Variants in SPARCL1 observed in about 807,000 individuals in gnomAD.
The protein encoded by SPARCL1 is SPARC like 1, also known as SPARC-like protein 1.
SPARCL1 carries 52 observed loss-of-function variants against 67.1 expected under a neutral mutation model. The ratio of observed to expected loss-of-function variants is 0.78; its 90% CI spans 0.62 to 0.98. The LOEUF (loss-of-function observed/expected upper bound fraction) is 0.98, where lower values mean the gene tolerates loss of function less well. Ranked by LOEUF, SPARCL1 falls within the 50% of genes least tolerant of loss-of-function variation. The pLI is 0.00. For missense variants in SPARCL1, 717 were observed against 782.4 expected, an observed-to-expected ratio of 0.92 and a Z score of 1.00; for synonymous variants, 226 against 267.8, an observed-to-expected ratio of 0.84 and a Z score of 1.52.
intron 10 of SPARCL1, among the ~76,000 whole-genome samples, chr4:87,478,958 A>G (rs4610302): frequency 0.69 from 105,223 of 152,090 alleles, 37,516 homozygotes; most frequent in African/African-American, 0.85. Context: ...GGATTATCCC[A>G]GCACTAATTG....
At chr4:87,482,729 G>A (rs1477161025) in intron 7 of SPARCL1, among the ~76,000 whole-genome samples, 169 bp from the exon 8 acceptor site, 1 of 152,062 alleles carries the variant, frequency 6.6e-6, no homozygotes, top group Non-Finnish European at 1.5e-5. Flanking sequence ...AATTGCCTGG[G>A]GTTTTAAAAA....
Position 87,473,691 on chromosome 4 carries a change from C to G in SPARCL1, c.*84G>C, listed in dbSNP as rs1723440364. 1.0e-6 allele frequency: 1 copy of G among 963,382 alleles called. No homozygotes were observed. The highest frequency in any genetic ancestry group is 1.7e-5 in the African/African-American group (1 of 59,748). 59.7% of individuals were successfully genotyped at this position (963,382 alleles called of 1,614,324 possible). A position where few individuals can be genotyped will look rare whatever the true frequency, so the allele number is the denominator to read the frequency against. ...TGCTAACATTTTGCTAAATATAAAT[C>G]TACAAGTATCACAGCTGCATATATT... On this transcript the variant is annotated 3_prime_UTR_variant, in exon 11 of 11. Coordinates refer to ENST00000282470, the MANE Select transcript of SPARCL1 (RefSeq NM_004684.6).
chr4:87,495,184 T>G, intron 2 of SPARCL1, 57 bp from the exon 3 acceptor site: 2 of 1,470,744 alleles, frequency 1.4e-6, no homozygotes, highest in Non-Finnish European at 1.9e-6. Flanking sequence ...ATTTACAAAT[T>G]TGCTAGTTAC....
chr4:87,494,711 A>T, intron 3 of SPARCL1, 113 bp from the exon 4 acceptor site: 1 of 951,272 alleles, frequency 1.1e-6, no homozygotes, highest in Non-Finnish European at 1.5e-6. Flanking sequence ...TCATGTAAAC[A>T]TGTTTATAAT....
intron 8 of SPARCL1, among the ~76,000 whole-genome samples, 190 bp from the exon 9 acceptor site, chr4:87,480,710 A>G (rs1723785926): frequency 6.6e-6 from 1 of 152,162 alleles, no homozygotes; most frequent in South Asian, 2.1e-4. Flanking sequence ...ACAGAATAGC[A>G]CCTGATGTAA....
intron 1 of SPARCL1, among the ~76,000 whole-genome samples, chr4:87,518,628 T>C (rs1725679477): frequency 6.6e-6 from 1 of 152,188 alleles, no homozygotes; most frequent in East Asian, 1.9e-4. Flanking sequence ...ACCAAGCATT[T>C]TTCTATTTTA....
chr4:87,486,844 T>C (rs1724078807), intron 7 of SPARCL1, among the ~76,000 whole-genome samples: 1 of 151,062 alleles, frequency 6.6e-6, no homozygotes, highest in Admixed American at 6.6e-5. Context: ...TGATCTTTGT[T>C]GGTTTAAAGC....
At chr4:87,480,837 TA>T (rs1299204110) in intron 8 of SPARCL1, among the ~76,000 whole-genome samples, 1 of 150,468 alleles carries the variant, frequency 6.6e-6, no homozygotes, top group Admixed American at 6.6e-5. Context: ...TTTTTTTTTT[TA>T]AACTATGAGG....
intron 2 of SPARCL1, among the ~76,000 whole-genome samples, chr4:87,497,501 T>G (rs973576887): frequency 2.0e-5 from 3 of 152,236 alleles, no homozygotes; most frequent in Admixed American, 2.0e-4. Context: ...GAAATTATGT[T>G]TTATCACTAT....
intron 2 of SPARCL1, among the ~76,000 whole-genome samples, chr4:87,497,402 C>A (rs904450062): frequency 6.6e-6 from 1 of 152,206 alleles, no homozygotes; most frequent in Admixed American, 6.5e-5. Context: ...TGGTCACTCT[C>A]TCTCCCCCTC....
intron 10 of SPARCL1, among the ~76,000 whole-genome samples, chr4:87,475,479 C>T (rs930709999): frequency 1.3e-5 from 2 of 152,140 alleles, no homozygotes; most frequent in Non-Finnish European, 2.9e-5. Flanking sequence ...AGTGTTCAAT[C>T]CTAGACCCCT....
chr4:87,476,618 T>C (rs766569454), intron 10 of SPARCL1, among the ~76,000 whole-genome samples: 4 of 152,188 alleles, frequency 2.6e-5, no homozygotes, highest in Admixed American at 6.5e-5. Context: ...TTAGTCTCAC[T>C]TGGAGGGTTT....
chr4:87,494,734 C>T (rs1724546514), intron 3 of SPARCL1, 136 bp from the exon 4 acceptor site: 1 of 885,458 alleles, frequency 1.1e-6, no homozygotes, highest in East Asian at 2.7e-5. Context: ...TCCTCACACT[C>T]TGTAGCCACA....
intron 1 of SPARCL1, among the ~76,000 whole-genome samples, chr4:87,526,151 G>A (rs6820415): frequency 0.3 from 45,429 of 152,066 alleles, 7,513 homozygotes; most frequent in African/African-American, 0.42. Flanking sequence ...TGGCAAGCTG[G>A]CATAGAACAC....
rs142279429 is a variant in SPARCL1 at position 87,515,315 on chromosome 4, T to A, written c.-12+13730A>T. Reference sequence around the variant, plus strand: ...AAAGGTAATATTACATTTTCTTATCTATCTTCTGGAGTTGTTTTGAGATTC... The same window carrying A: ...AAAGGTAATATTACATTTTCTTATCAATCTTCTGGAGTTGTTTTGAGATTC... On this transcript the variant is annotated intron_variant, in intron 1 of 10. Coordinates refer to ENST00000282470, the MANE Select transcript of SPARCL1 (RefSeq NM_004684.6). 1.4e-4 allele frequency among the ~76,000 whole-genome samples: 21 copies of A among 152,364 alleles called. No individual in the cohort carries two copies. In the East Asian group the frequency reaches 4.0e-3, roughly 29 times the overall value.
chr4:87,512,201 C>T (rs1725393518), intron 1 of SPARCL1, among the ~76,000 whole-genome samples: 1 of 152,084 alleles, frequency 6.6e-6, no homozygotes, highest in South Asian at 2.1e-4. Context: ...CTCCTGACCT[C>T]AGGTGATCCA....
intron 2 of SPARCL1, chr4:87,497,322 G>A (rs1021482247): frequency 3.4e-6 from 2 of 588,232 alleles, no homozygotes; most frequent in African/African-American, 4.0e-5. Flanking sequence ...GGCCACTTTG[G>A]TAAGCTGCCA....
At chr4:87,502,785 T>A (rs1028721912) in intron 1 of SPARCL1, among the ~76,000 whole-genome samples, 1 of 152,212 alleles carries the variant, frequency 6.6e-6, no homozygotes, top group East Asian at 1.9e-4. Flanking sequence ...AGAAAGCCAA[T>A]TAGAACTTTA....
chr4:87,489,772 C>T (rs560528278), intron 7 of SPARCL1, among the ~76,000 whole-genome samples: 3 of 152,238 alleles, frequency 2.0e-5, no homozygotes, highest in Non-Finnish European at 4.4e-5. Context: ...GGAGGAGACC[C>T]GGAAACATTA....
Sources: allele counts gnomAD v4.1 joint callset (sites outside exome capture counted in the v4.1 genomes callset), GRCh38; gene constraint gnomAD v4.1.1; transcripts MANE v1.5; gene names NCBI Gene and HGNC (gene_info 2026-07-23, HGNC 2026-07-21).